Variants in TESK2 observed in about 807,000 individuals in gnomAD.
TESK2 encodes the protein testis associated actin remodelling kinase 2, also known as dual specificity testis-specific protein kinase 2.
Under a neutral mutation model 57.1 loss-of-function variants are expected in TESK2, and 39 were observed. The observed-to-expected ratio is 0.68, with a 90% CI of 0.53 to 0.89. The LOEUF is 0.89. TESK2 is among the 40% of genes least tolerant of loss of function. The probability of loss-of-function intolerance (pLI) is 0.00; values close to 1 mark genes in which losing one functional copy is unlikely to be tolerated. For missense variants in TESK2, 646 were observed against 732.1 expected (o/e 0.88, Z 1.36); for synonymous variants, 249 against 267.9 (o/e 0.93, Z 0.69).
At chr1:45,403,877 C>G (rs1361822109) in intron 3 of TESK2, among the ~76,000 whole-genome samples, 19 of 82,836 alleles carry the variant, frequency 2.3e-4, no homozygotes, top group African/African-American at 9.8e-4. Context: ...AACTGCCATG[C>G]AAGCGAAAAA....
chr1:45,390,464 A>G (rs1473698800), intron 3 of TESK2, among the ~76,000 whole-genome samples: 1 of 151,822 alleles, frequency 6.6e-6, no homozygotes, highest in African/African-American at 2.4e-5. Context: ...ACTCTGTCTA[A>G]AAAATAAAAA....
intron 1 of TESK2, among the ~76,000 whole-genome samples, chr1:45,486,691 A>G (rs1653488865): frequency 6.6e-6 from 1 of 151,034 alleles, no homozygotes; most frequent in East Asian, 1.9e-4. Flanking sequence ...TTAATTAAAA[A>G]AAAAAACAAA....
At chr1:45,448,338 T>C (rs949214411) in intron 2 of TESK2, among the ~76,000 whole-genome samples, 4 of 152,104 alleles carry the variant, frequency 2.6e-5, no homozygotes, top group East Asian at 1.9e-4. Context: ...AAGTAAGTAT[T>C]TGAAAAATAC....
chr1:45,376,174 A>G (rs567115031), intron 4 of TESK2, among the ~76,000 whole-genome samples: 2 of 151,236 alleles, frequency 1.3e-5, no homozygotes, highest in Non-Finnish European at 2.9e-5. Flanking sequence ...TAAACTTCTA[A>G]TTATGAAAGG....
At chr1:45,407,845 A>G (rs1649906419) in intron 3 of TESK2, among the ~76,000 whole-genome samples, 1 of 152,168 alleles carries the variant, frequency 6.6e-6, no homozygotes, top group Admixed American at 6.6e-5. Flanking sequence ...ACTTATATGC[A>G]TGCCTACTGC....
chr1:45,424,178 A>G (rs922765075), intron 2 of TESK2, among the ~76,000 whole-genome samples: 4 of 152,236 alleles, frequency 2.6e-5, no homozygotes, highest in African/African-American at 9.7e-5. Flanking sequence ...CAACTTACTT[A>G]AACTCTTCAA....
intron 3 of TESK2, among the ~76,000 whole-genome samples, chr1:45,398,553 A>G (rs1649455819): frequency 2.0e-5 from 3 of 152,106 alleles, no homozygotes; most frequent in Non-Finnish European, 4.4e-5. Flanking sequence ...TTTCAAAAAA[A>G]TAATAATAAA....
rs1299331551 is a variant in TESK2 at position 45,457,672 on chromosome 1, A to G, written c.114T>C (p.Val38=). ...TAAGAGCTCGATACGAAGATGGCCA[A>G]ACTCTTCCCACCTGGCTCACATTTC... ...GEGNVSQVGR[V]WPSSYRALIS... The change falls in exon 2 of 11, where the codon GTT becomes GTC. Residue 38 remains valine, a synonymous_variant. Coordinates refer to ENST00000372086, the MANE Select transcript of TESK2 (RefSeq NM_007170.3). 6.2e-6 allele frequency: 10 copies of G among 1,613,970 alleles called. No homozygotes were observed. The Admixed American group carries it at 1.5e-4, about 24-fold the overall frequency.
chr1:45,434,394 C>A (rs1235775266), intron 2 of TESK2, among the ~76,000 whole-genome samples: 3 of 151,730 alleles, frequency 2.0e-5, no homozygotes, highest in East Asian at 1.9e-4. Flanking sequence ...TGGGCTCAAG[C>A]GATCCTCCCA....
intron 1 of TESK2, among the ~76,000 whole-genome samples, chr1:45,483,271 A>G (rs138183008): frequency 0.012 from 1,773 of 148,420 alleles, 28 homozygotes; most frequent in African/African-American, 0.039. Context: ...ATAGAGAGAG[A>G]CTTCGTCTCA....
intron 4 of TESK2, among the ~76,000 whole-genome samples, chr1:45,362,088 A>G (rs547599193): frequency 1.3e-5 from 2 of 152,356 alleles, no homozygotes; most frequent in African/African-American, 4.8e-5. Context: ...ACAAAAAGAC[A>G]GGCATTTATG....
At chr1:45,354,843 T>G (rs1647355276) in intron 5 of TESK2, among the ~76,000 whole-genome samples, 1 of 116,868 alleles carries the variant, frequency 8.6e-6, no homozygotes, top group Non-Finnish European at 1.7e-5. Context: ...TATATATATA[T>G]ATATATGTTG....
At chr1:45,445,682 A>G (rs950476254) in intron 2 of TESK2, among the ~76,000 whole-genome samples, 1 of 151,442 alleles carries the variant, frequency 6.6e-6, no homozygotes, top group Non-Finnish European at 1.5e-5. Flanking sequence ...GTGATCCCAG[A>G]TACTTGGGAG....
intron 1 of TESK2, among the ~76,000 whole-genome samples, chr1:45,481,248 C>T (rs1371314207): frequency 6.6e-6 from 1 of 151,880 alleles, no homozygotes; most frequent in South Asian, 2.1e-4. Context: ...GCCTGTAGTC[C>T]CAGCTACTCG....
chr1:45,353,625 A>G (rs1647294573), intron 5 of TESK2, among the ~76,000 whole-genome samples: 1 of 152,178 alleles, frequency 6.6e-6, no homozygotes, highest in Non-Finnish European at 1.5e-5. Context: ...GAGGGTGGGG[A>G]ATGAAGTGAC....
chr1:45,348,546 G>T (rs1190517239), intron 5 of TESK2, among the ~76,000 whole-genome samples: 1 of 152,194 alleles, frequency 6.6e-6, no homozygotes, highest in Non-Finnish European at 1.5e-5. Flanking sequence ...TGGCCTAGCC[G>T]CTGTCCCCCT....
chr1:45,366,147 C>T (rs567229420), intron 4 of TESK2, among the ~76,000 whole-genome samples: 29 of 151,854 alleles, frequency 1.9e-4, no homozygotes, highest in Non-Finnish European at 3.7e-4. Flanking sequence ...AGTGCAGTGG[C>T]GTGATCCCAG....
Position 45,358,312 on chromosome 1 carries a change from C to CA in TESK2, c.394-2864dup, listed in dbSNP as rs370201136. Among the ~76,000 whole-genome samples, 625 of 128,176 alleles carry CA rather than the reference C, an allele frequency of 4.9e-3. 3 individuals carry two copies. The highest frequency in any genetic ancestry group is 0.02 in the Admixed American group (248 of 12,648). The allele number at this position is 128,176 out of a possible 152,430, so 84.1% of individuals were successfully genotyped here. On this transcript the variant is annotated intron_variant, in intron 4 of 10. Transcript: ENST00000372086. ...TGGGCAACAGAGCGAGACTCCATCTCAAAAAAAAAAAAAAATTAGCTGGGT... is the reference window on the plus strand; with the variant it reads ...TGGGCAACAGAGCGAGACTCCATCTCAAAAAAAAAAAAAAAATTAGCTGGGT...
rs1230977352 is a variant in TESK2, at chr1:45,345,331, T to A, written c.1225A>T (p.Met409Leu). ...TCAAAAAACTTGATCTTGCCCCCCA[T>A]GAGGTCCTGGCGAGCACTAAAAGGG... is the stretch of plus-strand genomic sequence containing the variant. ...VNPFSARQDL[M>L]GGKIKFFDLP... The change falls in exon 11 of 11, where the codon ATG becomes TTG. Residue 409 changes from methionine (M) to leucine (L), a missense_variant. Physicochemically the swap from Met to Leu is conservative, Grantham distance 15 (BLOSUM62 2). Transcript: ENST00000372086. 5.6e-6 allele frequency: 9 copies of A among 1,614,000 alleles called. No homozygotes were observed. Among genetic ancestry groups the A allele is most frequent in the Non-Finnish European group, 7.6e-6 (9 of 1,179,990 alleles).
Sources: gnomAD v4.1 joint callset for allele counts (sites outside exome capture counted in the v4.1 genomes callset) on GRCh38, gnomAD v4.1.1 for gene constraint, MANE v1.5 for transcripts, NCBI Gene and HGNC (gene_info 2026-07-23, HGNC 2026-07-21) for gene names.